OTUB1: variants seen among roughly 807,000 people sequenced by gnomAD.
The protein encoded by OTUB1 is ubiquitin thioesterase OTUB1.
In OTUB1, 10 loss-of-function variants were observed where a neutral mutation model predicts 35.8. The ratio of observed to expected loss-of-function variants is 0.28; its 90% CI spans 0.17 to 0.47. OTUB1 has a LOEUF of 0.47. OTUB1 is among the 20% of genes least tolerant of loss of function. OTUB1 has a pLI of 0.99. For missense variants in OTUB1, 264 were observed against 351.6 expected (o/e 0.75, Z 1.99); for synonymous variants, 158 against 143.8 (o/e 1.10, Z -0.71).
In OTUB1 at chr11:63,997,408, C is replaced by T. The variant is rs750026879; in HGVS notation, c.678C>T (p.Ala226=). The change falls in exon 7 of 7, where the codon GCC becomes GCT. Residue 226 remains alanine, a synonymous_variant. Coordinates refer to ENST00000538426, the MANE Select transcript of OTUB1 (RefSeq NM_017670.3). ...DHIHIIALAQ[A]LSVSIQVEYM... Reference sequence around the variant, plus strand: ...TCCACATCATTGCGCTGGCCCAGGCCCTCAGCGTGTCCATCCAGGTGGAGT... The same window carrying T: ...TCCACATCATTGCGCTGGCCCAGGCTCTCAGCGTGTCCATCCAGGTGGAGT... The T allele has an allele frequency of 1.8e-5, 29 of 1,613,992 alleles. 1 individual carries two copies. The Admixed American group carries it at 4.8e-4, about 27-fold the overall frequency.
At chr11:63,996,710 A>G in intron 4 of OTUB1, 62 bp downstream of exon 4, 1 of 1,613,472 alleles carries the variant, frequency 6.2e-7, no homozygotes, top group Non-Finnish European at 8.5e-7. Flanking sequence ...CCGGGCGAGT[A>G]GGATGTGTCT....
chr11:63,986,759 C>T (rs565590650), intron 1 of OTUB1: 60 of 503,972 alleles, frequency 1.2e-4, no homozygotes, highest in African/African-American at 1.1e-3. Context: ...TCGTGTGCGC[C>T]CGGGGCGGGG....
At chr11:63,991,609 A>T (rs1942673502) in intron 3 of OTUB1, among the ~76,000 whole-genome samples, 1 of 152,190 alleles carries the variant, frequency 6.6e-6, no homozygotes, top group African/African-American at 2.4e-5. Context: ...GGCTCTTGTG[A>T]GGATCAATTA....
At chr11:63,988,190 G>T in intron 1 of OTUB1, 147 bp from the exon 2 acceptor site, 2 of 616,912 alleles carry the variant, frequency 3.2e-6, no homozygotes, top group Non-Finnish European at 5.7e-6. Flanking sequence ...CAGGAGAATT[G>T]CTTGCATCTG....
intron 1 of OTUB1, chr11:63,986,927 T>G: frequency 5.5e-6 from 1 of 182,298 alleles, no homozygotes; most frequent in Non-Finnish European, 1.1e-5. Flanking sequence ...GGCCTCGAGT[T>G]TCGCTGGGCT....
intron 3 of OTUB1, 35 bp downstream of exon 3, chr11:63,988,787 TG>T (rs770612719): frequency 7.4e-5 from 103 of 1,386,952 alleles, no homozygotes; most frequent in South Asian, 4.4e-4. Flanking sequence ...GGAAGCACCC[TG>T]GGGGTGGGGC....
At chr11:63,994,093 C>T (rs1291151957) in intron 3 of OTUB1, among the ~76,000 whole-genome samples, 1 of 151,926 alleles carries the variant, frequency 6.6e-6, no homozygotes, top group African/African-American at 2.4e-5. Flanking sequence ...TGCCACTGCA[C>T]TCCAGCCCAG....
At chr11:63,992,782 C>T (rs1050285249) in intron 3 of OTUB1, among the ~76,000 whole-genome samples, 6 of 151,788 alleles carry the variant, frequency 4.0e-5, no homozygotes, top group African/African-American at 1.5e-4. Context: ...AACTCCTGAC[C>T]TCAAATGATC....
At chr11:63,987,426 T>C (rs1262751223) in intron 1 of OTUB1, among the ~76,000 whole-genome samples, 6 of 152,212 alleles carry the variant, frequency 3.9e-5, no homozygotes, top group African/African-American at 1.4e-4. Flanking sequence ...TCCTCACCGA[T>C]AGCTGCTCAC....
In OTUB1 at chr11:63,996,874, C is replaced by T. The variant is rs1186781292; in HGVS notation, c.356C>T (p.Ala119Val). ...KELQRFKAVS[A>V]KSKEDLVSQG... ...ACCCCCAGGTTCAAGGCTGTGTCTG[C>T]CAAGAGCAAGGAAGACCTGGTGTCC... Residue 119 changes from alanine (A) to valine (V), a missense_variant, in exon 5 of 7, where the codon GCC becomes GTC. This residue lies in a region of OTUB1 where 214 missense variants were observed against 317.1 expected (regional missense o/e 0.67). Coordinates refer to ENST00000538426, the MANE Select transcript of OTUB1 (RefSeq NM_017670.3). The T allele has an allele frequency of 1.2e-6, 2 of 1,614,204 alleles. No individual in the cohort carries two copies. The highest frequency in any genetic ancestry group is 2.7e-5 in the African/African-American group (2 of 75,064).
At position 63,986,518 on chromosome 11, in the gene OTUB1, C is replaced by T. The variant is rs1325161345; in HGVS notation, c.58+4C>T. On this transcript the variant is annotated splice_donor_region_variant and intron_variant, in intron 1 of 6. Coordinates refer to ENST00000538426, the MANE Select transcript of OTUB1 (RefSeq NM_017670.3). ...CCGCTGGGCAGCGACTCCGAAGGTA[C>T]AGATCCAAGGAGGGATGTCCGGCCC... is the stretch of plus-strand genomic sequence containing the variant. 6.5e-7 allele frequency: 1 copy of T among 1,549,444 alleles called. No individual in the cohort carries two copies. The highest frequency in any genetic ancestry group is 2.0e-5 in the Admixed American group (1 of 51,002).
rs1942743159 is a variant in OTUB1, at chr11:63,998,094, C to G, written c.*548C>G. Reference sequence around the variant, plus strand: ...GGCCTTTGTGAGGCTGGACCCGGCTCAGGGCAGGTGGAGGAGCTGGGCCTC... The same window carrying G: ...GGCCTTTGTGAGGCTGGACCCGGCTGAGGGCAGGTGGAGGAGCTGGGCCTC... On this transcript the variant is annotated 3_prime_UTR_variant, in exon 7 of 7. Transcript: ENST00000538426. 1 of 369,446 alleles carries G rather than the reference C, an allele frequency of 2.7e-6. No homozygotes were observed. The highest frequency in any genetic ancestry group is 4.5e-5 in the Admixed American group (1 of 22,362). 22.9% of individuals were successfully genotyped at this position (369,446 alleles called of 1,614,324 possible).
chr11:63,996,815 C>T (rs750143275), intron 4 of OTUB1, 42 bp from the exon 5 acceptor site: 107 of 1,613,102 alleles, frequency 6.6e-5, no homozygotes, highest in South Asian at 8.8e-5. Flanking sequence ...CTGGGCTGGT[C>T]GAGGAGCCCA....
rs2134312154 is a variant in OTUB1, at chr11:63,997,343, C to T, written c.619-6C>T. ...GACCAGGGCCTGACCGGCACCTGTG[C>T]CACAGGAGGTGGAGCCCATGTGCAA... On this transcript the variant is annotated splice_region_variant and splice_polypyrimidine_tract_variant and intron_variant, in intron 6 of 6. Coordinates refer to ENST00000538426, the MANE Select transcript of OTUB1 (RefSeq NM_017670.3). The T allele has an allele frequency of 6.2e-7, 1 of 1,613,912 alleles. No individual in the cohort carries two copies. Among genetic ancestry groups the T allele is most frequent in the East Asian group, 2.2e-5 (1 of 44,886 alleles).
intron 2 of OTUB1, 108 bp from the exon 3 acceptor site, chr11:63,988,546 C>T (rs1274185578): frequency 1.1e-5 from 13 of 1,235,362 alleles, no homozygotes; most frequent in Admixed American, 8.6e-5. Flanking sequence ...TTCTGGGGGT[C>T]GCTGTGCCAC....
In OTUB1 at chr11:63,997,974, C is replaced by T. The variant is rs1942741398; in HGVS notation, c.*428C>T. ...GGGCCACCCACACTTCATCTGCTCC[C>T]TCATAGGCCCCACCTCCACGTCCCG... On this transcript the variant is annotated 3_prime_UTR_variant, in exon 7 of 7. Coordinates refer to ENST00000538426, the MANE Select transcript of OTUB1 (RefSeq NM_017670.3). The T allele has an allele frequency of 3.4e-6, 2 of 580,494 alleles. No individual in the cohort carries two copies. Among genetic ancestry groups the T allele is most frequent in the South Asian group, 4.1e-5 (2 of 48,496 alleles). The allele number at this position is 580,494 out of a possible 1,614,324, so 36.0% of individuals were successfully genotyped here.
chr11:63,986,506 A>C lies in OTUB1; in HGVS notation c.50A>C (p.Asp17Ala). ...QQQKQEPLGSDSEGVNCLAYD... is the reference protein window; with the variant it reads ...QQQKQEPLGSASEGVNCLAYD... Reference sequence around the variant, plus strand: ...CAGAAGCAGGAGCCGCTGGGCAGCGACTCCGAAGGTACAGATCCAAGGAGG... The same window carrying C: ...CAGAAGCAGGAGCCGCTGGGCAGCGCCTCCGAAGGTACAGATCCAAGGAGG... The change falls in exon 1 of 7, where the codon GAC (aspartate) becomes GCC (alanine). Residue 17 changes from aspartate to alanine, a missense_variant. Coordinates refer to ENST00000538426, the MANE Select transcript of OTUB1 (RefSeq NM_017670.3). 1.9e-6 allele frequency: 3 copies of C among 1,550,888 alleles called. No homozygotes were observed. Among genetic ancestry groups the C allele is most frequent in the Non-Finnish European group, 2.6e-6 (3 of 1,147,610 alleles).
intron 3 of OTUB1, among the ~76,000 whole-genome samples, chr11:63,993,054 CAGG>C (rs1942686699): frequency 3.9e-5 from 6 of 152,228 alleles, no homozygotes; most frequent in Admixed American, 3.9e-4. Flanking sequence ...GGGACACTGC[CAGG>C]AGACTTGTGC....
chr11:63,991,831 C>T (rs1942675373), intron 3 of OTUB1, among the ~76,000 whole-genome samples: 1 of 152,210 alleles, frequency 6.6e-6, no homozygotes, highest in East Asian at 1.9e-4. Context: ...CCTCACAAAA[C>T]TTACAGTTCA....
Sources: allele counts gnomAD v4.1 joint callset (sites outside exome capture counted in the v4.1 genomes callset), GRCh38; gene constraint gnomAD v4.1.1; regional missense constraint gnomAD v4.1.1; transcripts MANE v1.5; gene names NCBI Gene and HGNC (gene_info 2026-07-23, HGNC 2026-07-21).